PRKN: variants seen among roughly 807,000 people sequenced by gnomAD.
PRKN encodes E3 ubiquitin-protein ligase parkin.
A neutral mutation model predicts 59.5 loss-of-function variants in PRKN; 56 were observed. The observed-to-expected ratio is 0.94, with a 90% CI of 0.76 to 1.18. The LOEUF is 1.18. PRKN is among the 50% of genes most tolerant of loss of function. The pLI, the probability that PRKN is intolerant of heterozygous loss-of-function variation, is 0.00. For synonymous variants in PRKN, 250 were observed against 222.1 expected, an observed-to-expected ratio of 1.13 and a Z score of -1.12; for missense variants, 657 against 596.4, an observed-to-expected ratio of 1.10 and a Z score of -1.06.
At chr6:162,680,228 T>C (rs1779718922) in intron 1 of PRKN, among the ~76,000 whole-genome samples, 1 of 151,104 alleles carries the variant, frequency 6.6e-6, no homozygotes, top group Non-Finnish European at 1.5e-5. Flanking sequence ...TTATATGTAC[T>C]ATGTACATGT....
At chr6:161,906,759 A>T (rs1451240425) in intron 6 of PRKN, among the ~76,000 whole-genome samples, 1 of 151,248 alleles carries the variant, frequency 6.6e-6, no homozygotes, top group African/African-American at 2.4e-5. Context: ...ACAAAACCTC[A>T]AAAGTAGGGA....
intron 2 of PRKN, among the ~76,000 whole-genome samples, chr6:162,374,390 G>GT (rs35660808): frequency 0.092 from 13,285 of 144,320 alleles, 1,070 homozygotes; most frequent in East Asian, 0.46. Flanking sequence ...GTCTGCTATA[G>GT]TTTTTTTTTT....
chr6:162,237,956 G>T (rs1368662032), intron 3 of PRKN, among the ~76,000 whole-genome samples: 15 of 152,140 alleles, frequency 9.9e-5, no homozygotes, highest in Admixed American at 9.2e-4. Context: ...TATCCAGGTA[G>T]AGAGCACGTG....
intron 7 of PRKN, among the ~76,000 whole-genome samples, chr6:161,637,931 T>A (rs929336749): frequency 1.3e-5 from 2 of 152,232 alleles, no homozygotes; most frequent in Non-Finnish European, 2.9e-5. Context: ...CCAGGTTTCC[T>A]GTCAAAATAG....
intron 2 of PRKN, among the ~76,000 whole-genome samples, chr6:162,427,969 T>A (rs983762534): frequency 1.3e-5 from 2 of 152,100 alleles, no homozygotes; most frequent in African/African-American, 4.8e-5. Context: ...ATCCATCGCT[T>A]CAGTTTTAGT....
chr6:161,859,176 T>A (rs907293540), intron 6 of PRKN, among the ~76,000 whole-genome samples: 1 of 151,544 alleles, frequency 6.6e-6, no homozygotes, highest in African/African-American at 2.4e-5. Flanking sequence ...GCCACAGCGA[T>A]ACTTTTTGAC....
intron 4 of PRKN, among the ~76,000 whole-genome samples, chr6:162,129,398 G>A (rs79284469): frequency 0.023 from 3,568 of 152,238 alleles, 157 homozygotes; most frequent in African/African-American, 0.081. Context: ...CATTTTATCA[G>A]CTTAACATTT....
At chr6:162,344,930 G>C (rs1784333580) in intron 2 of PRKN, among the ~76,000 whole-genome samples, 1 of 152,172 alleles carries the variant, frequency 6.6e-6, no homozygotes. Context: ...ATGCTTCCAT[G>C]GTAATCAGTC....
intron 3 of PRKN, among the ~76,000 whole-genome samples, chr6:162,230,186 G>A (rs141595172): frequency 1.3e-5 from 2 of 152,346 alleles, no homozygotes; most frequent in South Asian, 2.1e-4. Context: ...ATATATGCAT[G>A]AGCATATCTT....
intron 3 of PRKN, among the ~76,000 whole-genome samples, chr6:162,244,930 C>T (rs1370065175): frequency 6.6e-6 from 1 of 151,780 alleles, no homozygotes; most frequent in Non-Finnish European, 1.5e-5. Context: ...TAATTATGGC[C>T]CTAAGAGATA....
chr6:162,697,675 A>T (rs1778017305), intron 1 of PRKN, among the ~76,000 whole-genome samples: 1 of 152,188 alleles, frequency 6.6e-6, no homozygotes, highest in Non-Finnish European at 1.5e-5. Context: ...GATTTTATTG[A>T]AGGTCAATTA....
At chr6:161,478,686 A>G (rs1201384196) in intron 9 of PRKN, among the ~76,000 whole-genome samples, 2 of 152,100 alleles carry the variant, frequency 1.3e-5, no homozygotes, top group African/African-American at 4.8e-5. Context: ...CTTTAGAAAA[A>G]AATACAATAA....
chr6:162,094,012 G>A (rs1583022618), intron 4 of PRKN, among the ~76,000 whole-genome samples: 1 of 152,114 alleles, frequency 6.6e-6, no homozygotes, highest in African/African-American at 2.4e-5. Flanking sequence ...ATGCAAAACG[G>A]GACAAAGAAA....
chr6:161,698,978 T>C lies in PRKN; in HGVS notation c.871+86794A>G, dbSNP rs76411251. Among the ~76,000 whole-genome samples the C allele has an allele frequency of 1.2e-3, 175 of 152,110 alleles. 3 individuals are homozygous for C. In the East Asian group the frequency reaches 0.03, roughly 26 times the overall value. On this transcript the variant is annotated intron_variant, in intron 7 of 11. Coordinates refer to ENST00000366898, the MANE Select transcript of PRKN (RefSeq NM_004562.3). ...CAGCAACCTTTACCTTGGGAGAAAATATTTTCATGTATCTGATAAAGGACA... is the reference window on the plus strand; with the variant it reads ...CAGCAACCTTTACCTTGGGAGAAAACATTTTCATGTATCTGATAAAGGACA...
intron 6 of PRKN, among the ~76,000 whole-genome samples, chr6:161,918,074 T>C (rs541875097): frequency 1.3e-5 from 2 of 152,334 alleles, no homozygotes; most frequent in African/African-American, 4.8e-5. Flanking sequence ...AAAGAATTCA[T>C]TTCAATTTTC....
At chr6:162,517,494 G>C (rs1387356359) in intron 1 of PRKN, among the ~76,000 whole-genome samples, 1 of 151,656 alleles carries the variant, frequency 6.6e-6, no homozygotes, top group Non-Finnish European at 1.5e-5. Context: ...CTGACCTTGT[G>C]ATCTGCCCAC....
intron 4 of PRKN, among the ~76,000 whole-genome samples, chr6:162,145,136 G>C (rs550973257): frequency 3.3e-5 from 5 of 152,302 alleles, no homozygotes; most frequent in Non-Finnish European, 5.9e-5. Context: ...CTCTTCTGAT[G>C]ATGATGGGTA....
chr6:161,479,914 C>T (rs1388299233), intron 9 of PRKN, among the ~76,000 whole-genome samples: 2 of 152,160 alleles, frequency 1.3e-5, no homozygotes, highest in African/African-American at 4.8e-5. Context: ...CCAGGCCACA[C>T]GATTTGCTCT....
chr6:161,689,995 A>G (rs1321707811), intron 7 of PRKN, among the ~76,000 whole-genome samples: 3 of 152,200 alleles, frequency 2.0e-5, no homozygotes, highest in African/African-American at 7.2e-5. Flanking sequence ...TACAGACATG[A>G]CACACCGCAG....
Sources: gnomAD v4.1 joint callset for allele counts (sites outside exome capture counted in the v4.1 genomes callset) on GRCh38, gnomAD v4.1.1 for gene constraint, MANE v1.5 for transcripts, NCBI Gene and HGNC (gene_info 2026-07-23, HGNC 2026-07-21) for gene names.